Variants in BSN observed in about 807,000 individuals in gnomAD.
BSN encodes protein bassoon.
BSN carries 57 observed loss-of-function variants against 264.8 expected under a neutral mutation model. The ratio of observed to expected loss-of-function variants is 0.22; its 90% CI spans 0.17 to 0.27. BSN has a LOEUF of 0.27. Ranked by LOEUF, BSN falls within the 10% of genes least tolerant of loss-of-function variation. The pLI is 1.00. For synonymous variants in BSN, 2,059 were observed against 2,137.3 expected (o/e 0.96, Z 1.01); for missense variants, 4,615 against 5,232.5 (o/e 0.88, Z 3.64).
intron 3 of BSN, among the ~76,000 whole-genome samples, chr3:49,649,531 T>C (rs997911503): frequency 1.3e-5 from 2 of 152,204 alleles, no homozygotes; most frequent in African/African-American, 2.4e-5. Flanking sequence ...TGGAGGAGGC[T>C]ACTGGGAGAC....
At chr3:49,598,264 T>C (rs1476837209) in intron 1 of BSN, among the ~76,000 whole-genome samples, 1 of 152,212 alleles carries the variant, frequency 6.6e-6, no homozygotes, top group African/African-American at 2.4e-5. Flanking sequence ...TTGTTATTGA[T>C]TCTGTCCTCT....
chr3:49,643,113 C>T lies in BSN; in HGVS notation c.1479C>T (p.Cys493=). 2 of 1,612,814 alleles carry T rather than the reference C, an allele frequency of 1.2e-6. No homozygotes were observed. The highest frequency in any genetic ancestry group is 1.7e-4 in the Middle Eastern group (1 of 6,042). ...NTCTTCRLQV[C]NLCGFNPTPH... ...GCACCACCTGCAGGCTCCAGGTGTG[C>T]AACCTGTGTGGCTTCAACCCAACAC... The change falls in exon 3 of 12, where the codon TGC becomes TGT. Residue 493 remains cysteine, a synonymous_variant. Transcript: ENST00000296452.
intron 1 of BSN, among the ~76,000 whole-genome samples, chr3:49,580,575 C>T (rs2051888923): frequency 6.6e-6 from 1 of 151,234 alleles, no homozygotes; most frequent in South Asian, 2.1e-4. Flanking sequence ...GCAGTCCTCT[C>T]ATCTCAGCCT....
chr3:49,654,305 A>C lies in BSN; in HGVS notation c.4749A>C (p.Ser1583=), dbSNP rs376391684. ...HASASTSPLC[S]PTETQPTTHG... is the part of the protein sequence containing the mutation. ...GTGCCTCCACCTCCCCGCTCTGCTC[A>C]CCTACTGAAACCCAGCCCACCACCC... The change falls in exon 5 of 12, where the codon TCA becomes TCC. Residue 1583 remains serine (S), a synonymous_variant. Transcript: ENST00000296452. This position sits in a 1 kb window ranked among gnomAD's most constrained non-coding sequence, Gnocchi z 4.1. 242 of 1,613,538 alleles carry C rather than the reference A, an allele frequency of 1.5e-4. No individual in the cohort carries two copies. The highest frequency in any genetic ancestry group is 2.0e-4 in the Non-Finnish European group (232 of 1,179,948).
chr3:49,630,605 A>G (rs927174836), intron 2 of BSN, among the ~76,000 whole-genome samples: 2 of 152,230 alleles, frequency 1.3e-5, no homozygotes, highest in Non-Finnish European at 2.9e-5. Context: ...GACAACAGGC[A>G]TGGAATTCTA....
intron 5 of BSN, among the ~76,000 whole-genome samples, chr3:49,658,436 C>G (rs2052629564): frequency 6.6e-6 from 1 of 152,178 alleles, no homozygotes; most frequent in Non-Finnish European, 1.5e-5. Context: ...GCCACATACC[C>G]TACTAGAAGC....
At chr3:49,616,709 C>G (rs2052261997) in intron 1 of BSN, among the ~76,000 whole-genome samples, 1 of 152,190 alleles carries the variant, frequency 6.6e-6, no homozygotes. Flanking sequence ...CCCTCCTTCC[C>G]ACTGTGCACC....
intron 1 of BSN, among the ~76,000 whole-genome samples, chr3:49,612,645 AGCAGGGTGTG>A (rs2052217554): frequency 6.6e-6 from 1 of 152,234 alleles, no homozygotes; most frequent in Admixed American, 6.5e-5. Context: ...CAAGGAATTG[AGCAGGGTGTG>A]GCAGGTGAGG....
At chr3:49,574,562 T>C (rs1435344903) in intron 1 of BSN, among the ~76,000 whole-genome samples, 1 of 150,760 alleles carries the variant, frequency 6.6e-6, no homozygotes, top group Non-Finnish European at 1.5e-5. Context: ...GCCTGCCTAG[T>C]AACTGGGATT....
chr3:49,661,955 C>T lies in BSN; in HGVS notation c.10110C>T (p.Ser3370=), dbSNP rs554838948. The part of the protein sequence containing the change: ...HRKQGMEQKI[S]KFSPIEEAKD... ...AGCAGGGCATGGAGCAAAAGATATC[C>T]AAGTTCTCGCCTATTGAAGAGGCCA... The change falls in exon 6 of 12, where the codon TCC becomes TCT. Residue 3370 remains serine, a synonymous_variant. Coordinates refer to ENST00000296452, the MANE Select transcript of BSN (RefSeq NM_003458.4). 1.2e-6 allele frequency: 2 copies of T among 1,614,006 alleles called. No individual in the cohort carries two copies. Among genetic ancestry groups the T allele is most frequent in the African/African-American group, 2.7e-5 (2 of 75,054 alleles).
intron 1 of BSN, among the ~76,000 whole-genome samples, chr3:49,622,810 C>G (rs1431887238): frequency 6.6e-6 from 1 of 152,128 alleles, no homozygotes; most frequent in Non-Finnish European, 1.5e-5. Flanking sequence ...CCAGTGTGGG[C>G]CACTGATGCT....
rs753633315 is a variant in BSN at position 49,652,311 on chromosome 3, G to A, written c.2755G>A (p.Asp919Asn). 27 of 1,597,206 alleles carry A rather than the reference G, an allele frequency of 1.7e-5. No homozygotes were observed. Among genetic ancestry groups the A allele is most frequent in the East Asian group, 2.2e-5 (1 of 44,704 alleles). ...LPEGGSAEAT[D>N]GSGTLQGGLR... ...TGAGGGAGGCTCAGCAGAGGCTACC[G>A]ATGGCAGTGGGACCCTGCAGGGTGG... Residue 919 changes from aspartate (D) to asparagine (N), a missense_variant, in exon 5 of 12, where the codon GAT becomes AAT. Physicochemically the swap from Asp to Asn is conservative, Grantham distance 23. Coordinates refer to ENST00000296452, the MANE Select transcript of BSN (RefSeq NM_003458.4).
In BSN at chr3:49,625,370, C is replaced by A; in HGVS notation, c.620C>A (p.Pro207His). The A allele has an allele frequency of 1.3e-6, 2 of 1,491,114 alleles. No individual in the cohort carries two copies. The highest frequency in any genetic ancestry group is 8.9e-7 in the Non-Finnish European group (1 of 1,119,022). 92.4% of individuals were successfully genotyped at this position (1,491,114 alleles called of 1,614,324 possible). The part of the protein sequence containing the change: ...VCNQCGFNPN[P>H]HLTQVKEWLC... ...AACCAGTGTGGGTTCAACCCCAACC[C>A]TCATCTCACCCAGGTAACCACTTCT... Residue 207 changes from proline (P) to histidine (H), a missense_variant, in exon 2 of 12, where the codon CCT becomes CAT. Physicochemically the swap from Pro to His is moderately conservative, Grantham distance 77 (BLOSUM62 -2). Transcript: ENST00000296452. This position sits in a 1 kb window ranked among gnomAD's most constrained non-coding sequence, Gnocchi z 4.4.
At chr3:49,596,514 G>A (rs2052024158) in intron 1 of BSN, among the ~76,000 whole-genome samples, 2 of 152,204 alleles carry the variant, frequency 1.3e-5, no homozygotes, top group East Asian at 3.9e-4. Context: ...AATTAAAAAA[G>A]TTTTTGTAAT....
At chr3:49,566,678 C>G (rs554574775) in intron 1 of BSN, among the ~76,000 whole-genome samples, 1 of 150,562 alleles carries the variant, frequency 6.6e-6, no homozygotes, top group African/African-American at 2.4e-5. Context: ...CCCAGCTACT[C>G]GGGAGGCTGA....
In BSN at chr3:49,652,288, A is replaced by G. The variant is rs759595835; in HGVS notation, c.2732A>G (p.Glu911Gly). 1 of 1,597,078 alleles carries G rather than the reference A, an allele frequency of 6.3e-7. No homozygotes were observed. The highest frequency in any genetic ancestry group is 8.5e-7 in the Non-Finnish European group (1 of 1,170,714). Residue 911 changes from glutamate to glycine, a missense_variant, in exon 5 of 12, where the codon GAG becomes GGG. Transcript: ENST00000296452. ...ACGGGCTATGAGGAGCTGCTCCCTGAGGGAGGCTCAGCAGAGGCTACCGAT... is the reference window on the plus strand; with the variant it reads ...ACGGGCTATGAGGAGCTGCTCCCTGGGGGAGGCTCAGCAGAGGCTACCGAT... ...ATTGYEELLPEGGSAEATDGS... is the reference protein window; with the variant it reads ...ATTGYEELLPGGGSAEATDGS...
At chr3:49,662,787 A>G in intron 6 of BSN, 89 bp from the exon 7 acceptor site, 1 of 1,478,604 alleles carries the variant, frequency 6.8e-7, no homozygotes, top group Non-Finnish European at 9.0e-7. Context: ...TGTGGCACCC[A>G]CTCTCTTGGT....
chr3:49,644,399 G>T (rs553758746), intron 3 of BSN, among the ~76,000 whole-genome samples: 2 of 152,126 alleles, frequency 1.3e-5, no homozygotes, highest in African/African-American at 4.8e-5. Flanking sequence ...AGGAGTCCCC[G>T]TGGGACCCCA....
chr3:49,663,399 G>T lies in BSN; in HGVS notation c.11241G>T (p.Leu3747=). 1.2e-6 allele frequency: 2 copies of T among 1,612,890 alleles called. No homozygotes were observed. Among genetic ancestry groups the T allele is most frequent in the Non-Finnish European group, 1.7e-6 (2 of 1,179,988 alleles). ...CAGAACCCCAGGCGCAGCCGCAGCT[G>T]CAAGGTCGGCAGGCAGCTCCAGGAC... ...SKAEPQAQPQ[L]QGRQAAPGPQ... is the part of the protein sequence containing the mutation. Residue 3747 remains leucine (L), a synonymous_variant, in exon 7 of 12, where the codon CTG becomes CTT. Transcript: ENST00000296452.
Sources: gnomAD v4.1 joint callset for allele counts (sites outside exome capture counted in the v4.1 genomes callset) on GRCh38, gnomAD v4.1.1 for gene constraint, Gnocchi (gnomAD v3.1) non-coding constraint, MANE v1.5 for transcripts, NCBI Gene and HGNC (gene_info 2026-07-23, HGNC 2026-07-21) for gene names.